The following MAX variants were observed in gnomAD, a reference collection of about 807,000 sequenced individuals.
MAX encodes MYC associated transcriptional regulator X.
In MAX, 3 loss-of-function variants were observed where a neutral mutation model predicts 22.3. That is an observed-to-expected ratio of 0.13 (90% CI 0.06 to 0.35). The LOEUF is 0.35. Ranked by LOEUF, MAX falls within the 10% of genes least tolerant of loss-of-function variation. MAX has a pLI of 1.00. For missense variants in MAX, 119 were observed against 209.4 expected (o/e 0.57, Z 2.66); for synonymous variants, 72 against 77.7 (o/e 0.93, Z 0.39).
At chr14:65,061,615 C>A in intron 3 of MAX, 1 of 293,732 alleles carries the variant, frequency 3.4e-6, no homozygotes, top group Non-Finnish European at 6.7e-6. Flanking sequence ...CCAGGACGAT[C>A]ACACAGAGAT....
At chr14:65,055,722 G>T (rs1459230821) in intron 3 of MAX, among the ~76,000 whole-genome samples, 3 of 151,956 alleles carry the variant, frequency 2.0e-5, no homozygotes, top group African/African-American at 4.8e-5. Flanking sequence ...TCCCCATGTT[G>T]GCCAGGCTGG....
At position 65,032,718 on chromosome 14, in the gene MAX, C is replaced by T. The variant is rs1288583947; in HGVS notation, c.172-26434G>A. ...CAAGGTGAGAGAAGCCAGGGTTTCT[C>T]CTGGCCTCTTGGAGAGCAGGCGGTC... On this transcript the variant is annotated intron_variant, in intron 3 of 3. Coordinates refer to the MAX transcript ENST00000341653. This position sits in a 1 kb window ranked among gnomAD's most constrained non-coding sequence, Gnocchi z 5.0. The T allele has an allele frequency of 5.0e-6, 8 of 1,610,688 alleles. No individual in the cohort carries two copies. The highest frequency in any genetic ancestry group is 1.3e-5 in the African/African-American group (1 of 74,760).
Position 65,076,056 on chromosome 14 carries a change from T to C in MAX, c.*420A>G, listed in dbSNP as rs765324569. 66 of 1,193,312 alleles carry C rather than the reference T, an allele frequency of 5.5e-5. No individual in the cohort carries two copies. Among genetic ancestry groups the C allele is most frequent in the Non-Finnish European group, 6.2e-5 (59 of 959,224 alleles). 73.9% of individuals were successfully genotyped at this position (1,193,312 alleles called of 1,614,324 possible). ...TAGAGCAGTTCAGATTCACAAAGTC[T>C]ATCAGAGGTGAGGGCGGGCCAGGAG... On this transcript the variant is annotated 3_prime_UTR_variant, in exon 5 of 5. Coordinates refer to ENST00000358664, the MANE Select transcript of MAX (RefSeq NM_002382.5). This position sits in a 1 kb window ranked among gnomAD's most constrained non-coding sequence, Gnocchi z 6.6.
chr14:65,043,301 ATGG>A (rs1457429677), intron 3 of MAX, among the ~76,000 whole-genome samples: 1 of 152,218 alleles, frequency 6.6e-6, no homozygotes, highest in Admixed American at 6.5e-5. Flanking sequence ...TAAGCAAGGA[ATGG>A]TGGTATCGTG....
At chr14:65,070,538 G>A (rs942176010), downstream of MAX, among the ~76,000 whole-genome samples, 6 of 152,214 alleles carry the variant, frequency 3.9e-5, no homozygotes. The surrounding 1 kb of genome is among the most constrained non-coding windows in gnomAD (Gnocchi z 4.4). Flanking sequence ...CAGGGCGCAG[G>A]AGGGGACCTG....
At chr14:65,052,915 A>G (rs1473153762) in intron 3 of MAX, among the ~76,000 whole-genome samples, 1 of 152,236 alleles carries the variant, frequency 6.6e-6, no homozygotes, top group Non-Finnish European at 1.5e-5. Flanking sequence ...TACCGAGGTC[A>G]GTCTGGGAAG....
intron 2 of MAX, among the ~76,000 whole-genome samples, chr14:65,098,762 A>G (rs1445645347): frequency 6.6e-6 from 1 of 152,234 alleles, no homozygotes; most frequent in East Asian, 1.9e-4. Flanking sequence ...CTTACTGGCC[A>G]TTGGAGAAGC....
At chr14:65,043,420 G>T (rs942457081) in intron 3 of MAX, among the ~76,000 whole-genome samples, 1 of 152,194 alleles carries the variant, frequency 6.6e-6, no homozygotes, top group African/African-American at 2.4e-5. Context: ...TTGGTAATTA[G>T]AATGAATGGC....
chr14:65,019,476 G>A (rs2061847327), intron 3 of MAX, among the ~76,000 whole-genome samples: 1 of 150,970 alleles, frequency 6.6e-6, no homozygotes, highest in Non-Finnish European at 1.5e-5. Flanking sequence ...AACAGAAGGA[G>A]ACTGTTGTCT....
chr14:65,077,802 G>A lies in MAX; in HGVS notation c.295+111C>T, dbSNP rs202044838. On this transcript the variant is annotated intron_variant, in intron 4 of 4. Transcript: ENST00000358664. This position sits in a 1 kb window ranked among gnomAD's most constrained non-coding sequence, Gnocchi z 6.3. ...GGCCCCAAGAAGCAGGACCAAGCCT[G>A]CTACTGAGCACATACTCCATGACTG... 1 of 1,614,072 alleles carries A rather than the reference G, an allele frequency of 6.2e-7. No individual in the cohort carries two copies. The highest frequency in any genetic ancestry group is 1.3e-5 in the African/African-American group (1 of 75,048).
Position 65,077,402 on chromosome 14 carries a change from A to G in MAX, c.295+511T>C, listed in dbSNP as rs1235431317. On this transcript the variant is annotated intron_variant, in intron 4 of 4. Transcript: ENST00000358664. This position sits in a 1 kb window ranked among gnomAD's most constrained non-coding sequence, Gnocchi z 6.3. ...AAGAGAAGTGAATTCCCCAGGAACA[A>G]AGAACTTGATCAGCTCTCGCTTTCC... The G allele has an allele frequency of 6.2e-7, 1 of 1,613,860 alleles. No homozygotes were observed. The highest frequency in any genetic ancestry group is 2.2e-5 in the East Asian group (1 of 44,886).
intron 3 of MAX, among the ~76,000 whole-genome samples, chr14:65,053,626 T>A (rs2296315): frequency 0.2 from 28,706 of 142,442 alleles, 4,019 homozygotes; most frequent in African/African-American, 0.39. Context: ...TTCTTTTTTT[T>A]AAAAAAAACA....
chr14:65,025,466 C>T (rs995687283), intron 3 of MAX, among the ~76,000 whole-genome samples: 6 of 152,152 alleles, frequency 3.9e-5, no homozygotes, highest in South Asian at 4.1e-4. Context: ...GAATTGATGA[C>T]GATTTGGAAA....
chr14:65,061,593 C>T (rs2062866419), intron 3 of MAX: 1 of 339,924 alleles, frequency 2.9e-6, no homozygotes, highest in East Asian at 5.4e-5. Context: ...TCCCTCCTCA[C>T]CAGCTCTCCA....
At chr14:65,036,033 G>T (rs1043654639) in intron 3 of MAX, among the ~76,000 whole-genome samples, 2 of 152,012 alleles carry the variant, frequency 1.3e-5, no homozygotes, top group African/African-American at 4.8e-5. Context: ...GAGTCTCACT[G>T]TGTTGCCCAG....
At chr14:65,102,621 C>G (rs974335804), upstream of MAX, 8 of 1,270,400 alleles carry the variant, frequency 6.3e-6, no homozygotes, top group Non-Finnish European at 1.0e-6. Flanking sequence ...GTCCCTCTAA[C>G]AGACGGCCCG....
chr14:65,070,570 C>G (rs1047678876), downstream of MAX, among the ~76,000 whole-genome samples: 1 of 152,172 alleles, frequency 6.6e-6, no homozygotes, highest in Non-Finnish European at 1.5e-5. The surrounding 1 kb of genome is among the most constrained non-coding windows in gnomAD (Gnocchi z 4.4). Flanking sequence ...GTGAATTGTC[C>G]AAGGCCACCT....
intron 2 of MAX, among the ~76,000 whole-genome samples, chr14:65,100,826 C>T (rs1472888097): frequency 1.3e-5 from 2 of 152,212 alleles, no homozygotes; most frequent in Non-Finnish European, 2.9e-5. Flanking sequence ...TCTAAATCCA[C>T]AGAACCATCT....
chr14:65,086,117 G>A (rs914890098), intron 3 of MAX, among the ~76,000 whole-genome samples: 2 of 152,110 alleles, frequency 1.3e-5, no homozygotes, highest in Non-Finnish European at 2.9e-5. Context: ...CATGTAAAAC[G>A]TGACTTGCTT....
Sources: allele counts gnomAD v4.1 joint callset (sites outside exome capture counted in the v4.1 genomes callset), GRCh38; gene constraint gnomAD v4.1.1; non-coding constraint Gnocchi (gnomAD v3.1); transcripts MANE v1.5; gene names NCBI Gene and HGNC (gene_info 2026-07-23, HGNC 2026-07-21).